TAOK2: variants seen among roughly 807,000 people sequenced by gnomAD.
TAOK2 encodes serine/threonine-protein kinase TAO2.
TAOK2 carries 42 observed loss-of-function variants against 122.5 expected under a neutral mutation model. The ratio of observed to expected loss-of-function variants is 0.34; its 90% CI spans 0.27 to 0.44. The LOEUF (loss-of-function observed/expected upper bound fraction) is 0.44, where lower values mean the gene tolerates loss of function less well. Among genes scored for constraint, TAOK2 ranks in the 20% least tolerant of loss-of-function variants. TAOK2 has a pLI of 1.00. For missense variants in TAOK2, 1,264 were observed against 1,644.9 expected (o/e 0.77, Z 4.01); for synonymous variants, 704 against 677.6 (o/e 1.04, Z -0.61).
chr16:29,986,212 C>CT lies in TAOK2; in HGVS notation c.1993-52dup. The CT allele has an allele frequency of 6.6e-7, 1 of 1,504,350 alleles. No homozygotes were observed. The highest frequency in any genetic ancestry group is 8.9e-7 in the Non-Finnish European group (1 of 1,128,858). 93.2% of individuals were successfully genotyped at this position (1,504,350 alleles called of 1,614,324 possible). ...TCCCTCTGCCAAGGAGCCCTGGCCTCTCACTTCCTTGATACTGACCAGGCC... is the reference window on the plus strand; with the variant it reads ...TCCCTCTGCCAAGGAGCCCTGGCCTCTTCACTTCCTTGATACTGACCAGGCC... On this transcript the variant is annotated intron_variant, in intron 15 of 15. Transcript: ENST00000308893. The surrounding 1 kb of genome is among the most constrained non-coding windows in gnomAD (Gnocchi z 4.2).
chr16:29,989,543 C>T (rs766015877), downstream of TAOK2: 1 of 1,609,038 alleles, frequency 6.2e-7, no homozygotes, highest in Non-Finnish European at 8.5e-7. Context: ...TCCTCTTCCT[C>T]CTCCTCTTCC....
intron 13 of TAOK2, 87 bp downstream of exon 13, chr16:29,983,751 G>A: frequency 6.5e-7 from 1 of 1,529,346 alleles, no homozygotes; most frequent in South Asian, 1.2e-5. Context: ...CCTGTGGCAT[G>A]GGATTGAGTC....
In TAOK2 at chr16:29,974,149, G is replaced by C. The variant is rs1049862808; in HGVS notation, c.-535G>C. 6 of 152,236 alleles carry C rather than the reference G, an allele frequency of 3.9e-5. No individual in the cohort carries two copies. Among genetic ancestry groups the C allele is most frequent in the Non-Finnish European group, 7.3e-5 (5 of 68,082 alleles). 9.4% of individuals were successfully genotyped at this position (152,236 alleles called of 1,614,324 possible). On this transcript the variant is annotated 5_prime_UTR_variant, in exon 1 of 16. Transcript: ENST00000308893. ...CCCAGTCGGTGGCCGAAGACCTACA[G>C]CTCAGGCCCCTGGGTCCCAAATTTC...
intron 4 of TAOK2, 29 bp from the exon 5 acceptor site, chr16:29,978,770 C>G (rs1394180904): frequency 3.1e-6 from 5 of 1,613,776 alleles, no homozygotes; most frequent in East Asian, 4.5e-5. Context: ...CCAGGAGACT[C>G]TGATCTCTGA....
Position 29,986,602 on chromosome 16 carries a change from C to T in TAOK2, c.2330C>T (p.Ser777Leu), listed in dbSNP as rs754333462. 4 of 1,613,314 alleles carry T rather than the reference C, an allele frequency of 2.5e-6. No individual in the cohort carries two copies. Among genetic ancestry groups the T allele is most frequent in the East Asian group, 2.2e-5 (1 of 44,878 alleles). The change falls in exon 16 of 16, where the codon TCA (serine) becomes TTA (leucine). Residue 777 changes from serine (S) to leucine (L), a missense_variant. Physicochemically the swap from Ser to Leu is moderately radical, Grantham distance 145. Transcript: ENST00000308893. This position sits in a 1 kb window ranked among gnomAD's most constrained non-coding sequence, Gnocchi z 4.2. ...ACCCCTATAGAACAGCAGCCCTGCT[C>T]ACCTGGCCAGGAGGCAGTCCTGGAC... The part of the protein sequence containing the change: ...TGTPIEQQPC[S>L]PGQEAVLDQR...
intron 8 of TAOK2, 50 bp from the exon 9 acceptor site, chr16:29,981,611 C>T (rs1268017887): frequency 3.8e-6 from 6 of 1,568,726 alleles, no homozygotes; most frequent in African/African-American, 1.4e-5. Context: ...TTCCATTGTC[C>T]TCTACCCCCT....
At chr16:29,980,948 G>T (rs2150889383) in intron 8 of TAOK2, 1 of 152,868 alleles carries the variant, frequency 6.5e-6, no homozygotes, top group Middle Eastern at 3.4e-3. Flanking sequence ...ATGCAGTAAT[G>T]TAGACTCCAT....
chr16:29,978,250 A>G lies in TAOK2; in HGVS notation c.205-2A>G, dbSNP rs1264011299. ...TAACCTCTGCCTACCCTGACCCCCT[A>G]GAAATGGCAAGACATCATCAAGGAG... On this transcript the variant is annotated splice_acceptor_variant, in intron 3 of 15. Coordinates refer to ENST00000308893, the MANE Select transcript of TAOK2 (RefSeq NM_016151.4). LOFTEE classifies it high-confidence loss of function. The G allele has an allele frequency of 6.2e-7, 1 of 1,613,924 alleles. No individual in the cohort carries two copies. The highest frequency in any genetic ancestry group is 1.3e-5 in the African/African-American group (1 of 74,882).
At chr16:29,990,733 T>C, downstream of TAOK2, 4 of 1,540,686 alleles carry the variant, frequency 2.6e-6, no homozygotes, top group South Asian at 3.7e-5. Flanking sequence ...CAGGGGAGGA[T>C]AGTGGGGGTG....
chr16:29,991,174 C>T (rs2069959815), downstream of TAOK2: 2 of 1,611,222 alleles, frequency 1.2e-6, no homozygotes, highest in Non-Finnish European at 1.7e-6. The surrounding 1 kb of genome is among the most constrained non-coding windows in gnomAD (Gnocchi z 5.6). Context: ...TCCAGCATGG[C>T]TCTGGGGGGC....
intron 3 of TAOK2, 35 bp downstream of exon 3, chr16:29,978,195 G>A: frequency 6.2e-7 from 1 of 1,614,016 alleles, no homozygotes. Flanking sequence ...GTTGGGGACA[G>A]GGGACTCCTG....
At chr16:29,988,925 C>G, downstream of TAOK2, 3 of 985,354 alleles carry the variant, frequency 3.0e-6, no homozygotes, top group Non-Finnish European at 3.6e-6. Context: ...AGGGTGGTAG[C>G]TGCTGGCCGG....
downstream of TAOK2, chr16:29,989,516 C>T (rs2069915082): frequency 1.3e-6 from 2 of 1,596,638 alleles, no homozygotes; most frequent in African/African-American, 2.7e-5. Flanking sequence ...CCTGGTTGTT[C>T]CTCCTCTTCC....
intron 1 of TAOK2, among the ~76,000 whole-genome samples, chr16:29,975,362 C>T (rs1036443955): frequency 2.0e-5 from 3 of 152,298 alleles, no homozygotes; most frequent in Non-Finnish European, 4.4e-5. Context: ...AGAGGTTGCC[C>T]AAGGTCACAC....
rs1567239781 is a variant in TAOK2, at chr16:29,979,390, G to A, written c.564-27G>A. On this transcript the variant is annotated intron_variant, in intron 7 of 15. Coordinates refer to ENST00000308893, the MANE Select transcript of TAOK2 (RefSeq NM_016151.4). This position sits in a 1 kb window ranked among gnomAD's most constrained non-coding sequence, Gnocchi z 4.1. ...GTGACAGGGTCTCGGCGGGTGATTT[G>A]CCTCTCTCTCCTGACCATTCTCCTA... 4.4e-6 allele frequency: 7 copies of A among 1,604,456 alleles called. No individual in the cohort carries two copies. Among genetic ancestry groups the A allele is most frequent in the Non-Finnish European group, 6.0e-6 (7 of 1,173,752 alleles).
intron 13 of TAOK2, 92 bp downstream of exon 13, chr16:29,983,756 T>C: frequency 6.6e-7 from 1 of 1,513,802 alleles, no homozygotes; most frequent in South Asian, 1.2e-5. Context: ...GGCATGGGAT[T>C]GAGTCTGGAT....
Position 29,986,822 on chromosome 16 carries a change from G to GGTGCCCTCCCTT in TAOK2, c.2553_2564dup (p.Ser853_Pro856dup). The GGTGCCCTCCCTT allele has an allele frequency of 6.2e-7, 1 of 1,613,990 alleles. No individual in the cohort carries two copies. Among genetic ancestry groups the GGTGCCCTCCCTT allele is most frequent in the Non-Finnish European group, 8.5e-7 (1 of 1,179,948 alleles). ...TGCCTGAGGAGATAGAGGAGCTTAG[G>GGTGCCCTCCCTT]GTGCCCTCCCTTGTACCCCAGGAGA... On this transcript the variant is annotated inframe_insertion, in exon 16 of 16. Coordinates refer to ENST00000308893, the MANE Select transcript of TAOK2 (RefSeq NM_016151.4). This position sits in a 1 kb window ranked among gnomAD's most constrained non-coding sequence, Gnocchi z 4.2.
At chr16:29,981,410 C>T (rs1268410614) in intron 8 of TAOK2, 2 of 605,660 alleles carry the variant, frequency 3.3e-6, no homozygotes, top group Admixed American at 2.8e-5. Context: ...TGTCCTTCTG[C>T]CTTCGTTACT....
chr16:29,975,865 G>A (rs2069438220), intron 1 of TAOK2, among the ~76,000 whole-genome samples: 1 of 152,202 alleles, frequency 6.6e-6, no homozygotes, highest in Non-Finnish European at 1.5e-5. Context: ...GCTCCATGCT[G>A]TAATCCATTT....
Sources: allele counts gnomAD v4.1 joint callset (sites outside exome capture counted in the v4.1 genomes callset), GRCh38; gene constraint gnomAD v4.1.1; non-coding constraint Gnocchi (gnomAD v3.1); transcripts MANE v1.5; gene names NCBI Gene and HGNC (gene_info 2026-07-23, HGNC 2026-07-21).